Variants in WASHC4 observed in about 807,000 individuals in gnomAD.
WASHC4 encodes the protein WASH complex subunit 7.
WASHC4 carries 86 observed loss-of-function variants against 166.6 expected under a neutral mutation model. The ratio of observed to expected loss-of-function variants is 0.52; its 90% confidence interval spans 0.43 to 0.62. WASHC4 has a LOEUF of 0.62. WASHC4 is among the 20% of genes least tolerant of loss of function. The probability of loss-of-function intolerance (pLI) is 0.00; values close to 1 mark genes in which losing one functional copy is unlikely to be tolerated. For synonymous variants in WASHC4, 446 were observed against 451.6 expected (o/e 0.99, Z 0.16); for missense variants, 1,262 against 1,382.4 (o/e 0.91, Z 1.38).
chr12:105,149,991 T>A (rs1395098761), intron 25 of WASHC4, among the ~76,000 whole-genome samples: 1 of 152,196 alleles, frequency 6.6e-6, no homozygotes, highest in Non-Finnish European at 1.5e-5. Context: ...TTTGAAACAT[T>A]TAAGCAATAT....
chr12:105,111,998 C>T (rs988052200), intron 2 of WASHC4, among the ~76,000 whole-genome samples: 2 of 152,158 alleles, frequency 1.3e-5, no homozygotes, highest in African/African-American at 4.8e-5. Context: ...AATGTTAGAA[C>T]GTTCTCAGCC....
At chr12:105,117,222 A>G (rs1255899042) in intron 6 of WASHC4, among the ~76,000 whole-genome samples, 4 of 152,200 alleles carry the variant, frequency 2.6e-5, no homozygotes. Context: ...TTTGTCTGAC[A>G]GTATAATAAT....
chr12:105,148,505 TTGA>T (rs757406123), intron 24 of WASHC4: 201 of 985,346 alleles, frequency 2.0e-4, no homozygotes, highest in Admixed American at 7.4e-4. Flanking sequence ...CTGATGTCTG[TTGA>T]TGAAATGAGC....
Position 105,126,100 on chromosome 12 carries a change from A to T in WASHC4, c.883A>T (p.Ile295Phe). ...GGAATTTGCACATAGTATTCGGTCA[A>T]TTTTTGCAAATGTAGAAGCCAAACT... is the stretch of plus-strand genomic sequence containing the variant. ...AEEFAHSIRS[I>F]FANVEAKLGE... Residue 295 changes from isoleucine (I) to phenylalanine (F), a missense_variant, in exon 11 of 33, where the codon ATT (isoleucine) becomes TTT (phenylalanine). Coordinates refer to ENST00000332180, the MANE Select transcript of WASHC4 (RefSeq NM_015275.3). The T allele has an allele frequency of 1.9e-6, 3 of 1,613,062 alleles. No individual in the cohort carries two copies. The highest frequency in any genetic ancestry group is 2.5e-6 in the Non-Finnish European group (3 of 1,179,372).
Position 105,167,331 on chromosome 12 carries a change from C to A in WASHC4, c.*400C>A. On this transcript the variant is annotated 3_prime_UTR_variant, in exon 33 of 33. Coordinates refer to ENST00000332180, the MANE Select transcript of WASHC4 (RefSeq NM_015275.3). ...ATTCAATGCATATACTATATACAGC[C>A]AGTAAATACATGCTTAACAAAAGGA... 1 of 182,350 alleles carries A rather than the reference C, an allele frequency of 5.5e-6. No homozygotes were observed. Among genetic ancestry groups the A allele is most frequent in the Non-Finnish European group, 1.2e-5 (1 of 85,022 alleles). 11.3% of individuals were successfully genotyped at this position (182,350 alleles called of 1,614,324 possible).
chr12:105,138,987 G>T (rs1882560963), intron 15 of WASHC4, among the ~76,000 whole-genome samples: 1 of 152,064 alleles, frequency 6.6e-6, no homozygotes, highest in African/African-American at 2.4e-5. Context: ...GGAAACTACT[G>T]TCCTGAATTT....
rs972799115 is a variant in WASHC4 at position 105,148,685 on chromosome 12, T to G, written c.2515-930T>G. 5 of 985,380 alleles carry G rather than the reference T, an allele frequency of 5.1e-6. No homozygotes were observed. The East Asian group carries it at 5.7e-4, about 112-fold the overall frequency. The allele number at this position is 985,380 out of a possible 1,614,324, so 61.0% of individuals were successfully genotyped here. On this transcript the variant is annotated intron_variant, in intron 24 of 32. Transcript: ENST00000332180. ...ACAAGATAAGTTCCCGAAAATCATT[T>G]GTTTCCATAATTGGGTAAATGAATA...
At chr12:105,122,265 C>T (rs754786881) in intron 10 of WASHC4, 27 bp downstream of exon 10, 1 of 1,606,736 alleles carries the variant, frequency 6.2e-7, no homozygotes, top group South Asian at 1.1e-5. Flanking sequence ...CAGACTGTAA[C>T]AGTGGGGCTC....
chr12:105,132,621 A>G (rs1258463159), intron 13 of WASHC4, among the ~76,000 whole-genome samples: 2 of 152,216 alleles, frequency 1.3e-5, no homozygotes, highest in Non-Finnish European at 1.5e-5. Flanking sequence ...TACATTTTGT[A>G]TTGCCCTAGT....
chr12:105,139,918 C>T (rs1456967486), intron 15 of WASHC4, among the ~76,000 whole-genome samples: 1 of 149,116 alleles, frequency 6.7e-6, no homozygotes, highest in Non-Finnish European at 1.5e-5. Flanking sequence ...GAGTCTTGCT[C>T]AGTTGCCCAG....
intron 22 of WASHC4, among the ~76,000 whole-genome samples, chr12:105,145,969 C>A (rs1212165725): frequency 6.6e-6 from 1 of 152,116 alleles, no homozygotes; most frequent in African/African-American, 2.4e-5. Context: ...GAACAACTTC[C>A]TTAGCTTCTT....
chr12:105,141,098 G>A lies in WASHC4; in HGVS notation c.1707+53G>A. 2.5e-6 allele frequency: 4 copies of A among 1,610,342 alleles called. No homozygotes were observed. In the South Asian group the frequency reaches 3.3e-5, roughly 13 times the overall value. On this transcript the variant is annotated intron_variant, in intron 17 of 32. Coordinates refer to ENST00000332180, the MANE Select transcript of WASHC4 (RefSeq NM_015275.3). ...CAGAAATGAGATCTGAGATTTCACA[G>A]TTCCCTTGTTACTGACCCTAGAAAC...
chr12:105,161,157 CAAG>C (rs1884471878), intron 29 of WASHC4, among the ~76,000 whole-genome samples: 1 of 152,084 alleles, frequency 6.6e-6, no homozygotes, highest in Non-Finnish European at 1.5e-5. Flanking sequence ...TAATTTTGAT[CAAG>C]AATAGTGACT....
chr12:105,145,012 T>A, intron 22 of WASHC4, 140 bp downstream of exon 22: 1 of 850,060 alleles, frequency 1.2e-6, no homozygotes, highest in Non-Finnish European at 1.8e-6. Flanking sequence ...ATCTTATACT[T>A]GACAACAGTA....
intron 2 of WASHC4, 99 bp from the exon 3 acceptor site, chr12:105,114,117 C>A: frequency 3.9e-6 from 4 of 1,015,684 alleles, no homozygotes; most frequent in Non-Finnish European, 4.4e-6. Context: ...CAGGATCTAA[C>A]ACAAGTTTAA....
intron 14 of WASHC4, among the ~76,000 whole-genome samples, chr12:105,136,767 G>A (rs2135780778): frequency 6.6e-6 from 1 of 152,212 alleles, no homozygotes; most frequent in African/African-American, 2.4e-5. Flanking sequence ...GCATGTATGT[G>A]CCAAGCTTTG....
rs150128983 is a variant in WASHC4, at chr12:105,166,790, A to G, written c.3455-74A>G. On this transcript the variant is annotated intron_variant, in intron 32 of 32. Transcript: ENST00000332180. ...AGTTTGGCAATACAGCTCTTCTCAA[A>G]TTTCTTTTACTTCTTAATTTATTGT... 1.5e-3 allele frequency: 1,585 copies of G among 1,080,818 alleles called. 12 individuals carry two copies. Among genetic ancestry groups the G allele is most frequent in the East Asian group, 0.011 (451 of 39,292 alleles). 67.0% of individuals were successfully genotyped at this position (1,080,818 alleles called of 1,614,324 possible). A position where few individuals can be genotyped will look rare whatever the true frequency, so the allele number is the denominator to read the frequency against.
At chr12:105,126,396 A>G in intron 12 of WASHC4, 34 bp downstream of exon 12, 1 of 1,454,638 alleles carries the variant, frequency 6.9e-7, no homozygotes, top group Non-Finnish European at 9.5e-7. Context: ...CAATTTGAGC[A>G]GATTAAAAAG....
intron 12 of WASHC4, 119 bp downstream of exon 12, chr12:105,126,481 T>A: frequency 2.5e-6 from 2 of 815,080 alleles, no homozygotes; most frequent in Non-Finnish European, 3.8e-6. Context: ...TATTCACTTG[T>A]AAAATTCAAG....
Sources: gnomAD v4.1 joint callset for allele counts (sites outside exome capture counted in the v4.1 genomes callset) on GRCh38, gnomAD v4.1.1 for gene constraint, MANE v1.5 for transcripts, NCBI Gene and HGNC (gene_info 2026-07-23, HGNC 2026-07-21) for gene names.